LRP1B: variants seen among roughly 807,000 people sequenced by gnomAD.
LRP1B encodes the protein LDL receptor related protein 1B, also known as low-density lipoprotein receptor-related protein 1B.
A neutral mutation model predicts 556.6 loss-of-function variants in LRP1B; 217 were observed. That is an observed-to-expected ratio of 0.39 (90% CI 0.35 to 0.44). The LOEUF is 0.44. Ranked by LOEUF, LRP1B falls within the 20% of genes least tolerant of loss-of-function variation. The pLI, the probability that LRP1B is intolerant of heterozygous loss-of-function variation, is 1.00. For missense variants in LRP1B, 5,053 were observed against 5,620.8 expected (o/e 0.90, Z 3.23); for synonymous variants, 2,047 against 1,865.8 (o/e 1.10, Z -2.50).
chr2:141,348,675 A>G (rs1688339515), intron 3 of LRP1B, among the ~76,000 whole-genome samples: 1 of 152,068 alleles, frequency 6.6e-6, no homozygotes, highest in Non-Finnish European at 1.5e-5. Flanking sequence ...ATAGAGCACA[A>G]TTGATTCCAG....
At chr2:141,097,839 A>G (rs533760762) in intron 7 of LRP1B, among the ~76,000 whole-genome samples, 1 of 152,330 alleles carries the variant, frequency 6.6e-6, no homozygotes, top group South Asian at 2.1e-4. Flanking sequence ...GATAAAATGT[A>G]TTATATGAGG....
At chr2:140,242,443 A>G (rs759047259) in intron 87 of LRP1B, among the ~76,000 whole-genome samples, 1 of 151,154 alleles carries the variant, frequency 6.6e-6, no homozygotes, top group Non-Finnish European at 1.5e-5. Flanking sequence ...AGGGTCTATA[A>G]ATTCAATTCT....
intron 11 of LRP1B, among the ~76,000 whole-genome samples, chr2:141,028,869 C>G (rs891508760): frequency 6.6e-6 from 1 of 152,094 alleles, no homozygotes; most frequent in Non-Finnish European, 1.5e-5. Context: ...TTGAAGCTTA[C>G]ATTCTTGCAG....
At chr2:141,039,366 T>G (rs1231942387) in intron 11 of LRP1B, among the ~76,000 whole-genome samples, 1 of 152,086 alleles carries the variant, frequency 6.6e-6, no homozygotes, top group East Asian at 1.9e-4. Flanking sequence ...TATGCCCATT[T>G]ATAAATTAAA....
chr2:140,768,044 C>T (rs1013436764), intron 35 of LRP1B, among the ~76,000 whole-genome samples: 2 of 151,860 alleles, frequency 1.3e-5, no homozygotes, highest in Non-Finnish European at 2.9e-5. Flanking sequence ...AAAAACCACA[C>T]TGAGATTTTG....
intron 27 of LRP1B, among the ~76,000 whole-genome samples, chr2:140,860,028 A>T (rs532860358): frequency 3.2e-4 from 49 of 152,210 alleles, no homozygotes; most frequent in African/African-American, 1.2e-3. Context: ...TTAAAAAAAA[A>T]TTGCCTTCAT....
At chr2:140,686,539 T>C (rs548235493) in intron 41 of LRP1B, among the ~76,000 whole-genome samples, 2 of 151,976 alleles carry the variant, frequency 1.3e-5, no homozygotes, top group African/African-American at 4.8e-5. Flanking sequence ...TGAGGTTGGA[T>C]CCTGACTGGG....
At chr2:140,490,270 T>C (rs769205766) in intron 57 of LRP1B, among the ~76,000 whole-genome samples, 1 of 152,120 alleles carries the variant, frequency 6.6e-6, no homozygotes, top group Non-Finnish European at 1.5e-5. Flanking sequence ...ATTGGAAAGG[T>C]ACTTGATTAA....
chr2:140,909,709 CGTT>C (rs1207923368), intron 21 of LRP1B, among the ~76,000 whole-genome samples: 1 of 150,678 alleles, frequency 6.6e-6, no homozygotes, highest in Non-Finnish European at 1.5e-5. Flanking sequence ...TGTCATTACA[CGTT>C]GTTAATATAA....
chr2:141,420,116 T>C (rs1200743920), intron 3 of LRP1B, among the ~76,000 whole-genome samples: 2 of 152,228 alleles, frequency 1.3e-5, no homozygotes, highest in African/African-American at 4.8e-5. Context: ...GGTATAAAAA[T>C]GCCTTACTAT....
intron 50 of LRP1B, 79 bp downstream of exon 50, chr2:140,516,810 T>A (rs891843187): frequency 7.6e-7 from 1 of 1,309,752 alleles, no homozygotes; most frequent in Non-Finnish European, 1.1e-6. Context: ...ATGTTTTGTA[T>A]AAAATCCCTA....
intron 83 of LRP1B, among the ~76,000 whole-genome samples, chr2:140,314,443 C>T (rs1346399948): frequency 6.6e-6 from 1 of 151,388 alleles, no homozygotes; most frequent in Non-Finnish European, 1.5e-5. Flanking sequence ...CTTGTATTTC[C>T]AAAGCACATT....
chr2:141,388,696 T>G (rs1689934598), intron 3 of LRP1B, among the ~76,000 whole-genome samples: 1 of 151,954 alleles, frequency 6.6e-6, no homozygotes, highest in Non-Finnish European at 1.5e-5. Flanking sequence ...AGCCCTCAAG[T>G]TTGGAAAAGA....
chr2:141,857,225 A>AT (rs554217434), intron 1 of LRP1B, among the ~76,000 whole-genome samples: 10 of 151,240 alleles, frequency 6.6e-5, no homozygotes, highest in South Asian at 4.2e-4. Flanking sequence ...ACTTCCAGTT[A>AT]TTTTTTTTTC....
rs376682625 is a variant in LRP1B, at chr2:140,846,637, G to A, written c.4939+3465C>T. 7.9e-5 allele frequency among the ~76,000 whole-genome samples: 12 copies of A among 152,080 alleles called. No homozygotes were observed. The South Asian group carries it at 2.5e-3, about 32-fold the overall frequency. ...GATAGGCACAGTGAATTTATTTGGG[G>A]CCCAATTTTTGAAGCTGACCCCACA... On this transcript the variant is annotated intron_variant, in intron 29 of 90. Transcript: ENST00000389484.
At position 140,504,429 on chromosome 2, in the gene LRP1B, T is replaced by C. The variant is rs142125769; in HGVS notation, c.8522-1326A>G. The stretch of plus-strand genomic sequence containing the variant: ...TCCTCTCCTGTTCCATTCTAAAATA[T>C]TGCCAGGAAAGCCCTAACTTCAATC... On this transcript the variant is annotated intron_variant, in intron 53 of 90. Coordinates refer to ENST00000389484, the MANE Select transcript of LRP1B (RefSeq NM_018557.3). Among the ~76,000 whole-genome samples, 277 of 152,292 alleles carry C rather than the reference T, an allele frequency of 1.8e-3. 1 individual carries two copies. The highest frequency in any genetic ancestry group is 6.3e-3 in the African/African-American group (262 of 41,570).
intron 7 of LRP1B, among the ~76,000 whole-genome samples, chr2:141,119,231 A>G (rs2091807): frequency 0.017 from 2,618 of 152,014 alleles, 34 homozygotes; most frequent in Middle Eastern, 0.037. Context: ...TTTTCACTCA[A>G]TTGTCCTAAA....
At position 141,283,828 on chromosome 2, in the gene LRP1B, G is replaced by GA. The variant is rs77543232; in HGVS notation, c.344-29188dup. Among the ~76,000 whole-genome samples, 350 of 132,846 alleles carry GA rather than the reference G, an allele frequency of 2.6e-3. 2 individuals are homozygous for GA. The highest frequency in any genetic ancestry group is 7.2e-3 in the African/African-American group (263 of 36,482). 87.2% of individuals were successfully genotyped at this position (132,846 alleles called of 152,430 possible). A position where few individuals can be genotyped will look rare whatever the true frequency, so the allele number is the denominator to read the frequency against. On this transcript the variant is annotated intron_variant, in intron 3 of 90. Coordinates refer to ENST00000389484, the MANE Select transcript of LRP1B (RefSeq NM_018557.3). ...TCAAGGTGGGAGAGACACTTTAAAA[G>GA]AAAAAAAAAAAGAATGACACTTGTC... is the stretch of plus-strand genomic sequence containing the variant.
intron 3 of LRP1B, among the ~76,000 whole-genome samples, chr2:141,467,249 T>A (rs571244391): frequency 6.6e-6 from 1 of 151,476 alleles, no homozygotes; most frequent in African/African-American, 2.4e-5. Flanking sequence ...TAATAGACAG[T>A]CAATAAACTG....
Sources: gnomAD v4.1 joint callset for allele counts (sites outside exome capture counted in the v4.1 genomes callset) on GRCh38, gnomAD v4.1.1 for gene constraint, MANE v1.5 for transcripts, NCBI Gene and HGNC (gene_info 2026-07-23, HGNC 2026-07-21) for gene names.